UBE2V2: variants seen among roughly 807,000 people sequenced by gnomAD.
The protein encoded by UBE2V2 is ubiquitin conjugating enzyme E2 V2.
UBE2V2 carries 9 observed loss-of-function variants against 17.2 expected under a neutral mutation model. The observed-to-expected ratio is 0.52, with a 90% CI of 0.32 to 0.91. UBE2V2 has a LOEUF of 0.91. Ranked by LOEUF, UBE2V2 falls within the 40% of genes least tolerant of loss-of-function variation. The pLI, the probability that UBE2V2 is intolerant of heterozygous loss-of-function variation, is 0.04. For synonymous variants in UBE2V2, 61 were observed against 57.5 expected (o/e 1.06, Z -0.28); for missense variants, 133 against 182.6 (o/e 0.73, Z 1.56).
intron 1 of UBE2V2, among the ~76,000 whole-genome samples, chr8:48,038,657 T>G (rs2154507593): frequency 6.6e-6 from 1 of 152,174 alleles, no homozygotes; most frequent in East Asian, 1.9e-4. Context: ...TCTTTTGTGT[T>G]TTTAGTAGAG....
Position 48,049,946 on chromosome 8 carries a change from A to G in UBE2V2, c.259A>G (p.Asn87Asp). 1 of 1,575,532 alleles carries G rather than the reference A, an allele frequency of 6.3e-7. No individual in the cohort carries two copies. The highest frequency in any genetic ancestry group is 8.6e-7 in the Non-Finnish European group (1 of 1,164,696). ...GTCAGTTAGATTTGTAACAAAAATT[A>G]ATATGAACGGAATAAATAATTCCAG... ...PPSVRFVTKI[N>D]MNGINNSSGM... Residue 87 changes from asparagine (N) to aspartate (D), a missense_variant, in exon 3 of 4, where the codon AAT becomes GAT. By Grantham distance (23) the Asn-to-Asp change is conservative. Coordinates refer to ENST00000523111, the MANE Select transcript of UBE2V2 (RefSeq NM_003350.3).
chr8:48,016,638 A>T (rs2091270716), intron 1 of UBE2V2, among the ~76,000 whole-genome samples: 1 of 151,556 alleles, frequency 6.6e-6, no homozygotes, highest in Non-Finnish European at 1.5e-5. Context: ...ACGCACCACC[A>T]TGCCTGGCTA....
chr8:48,023,816 C>T (rs1252236874), intron 1 of UBE2V2, among the ~76,000 whole-genome samples: 2 of 151,936 alleles, frequency 1.3e-5, no homozygotes, highest in African/African-American at 4.8e-5. Flanking sequence ...GCAGAGGTTG[C>T]ATTGAGCCAA....
intron 3 of UBE2V2, among the ~76,000 whole-genome samples, chr8:48,056,877 C>T (rs1433823441): frequency 1.3e-5 from 2 of 151,758 alleles, no homozygotes; most frequent in African/African-American, 4.8e-5. Context: ...GCATGCGCCA[C>T]CACGCCTGGC....
chr8:48,034,986 T>A, intron 1 of UBE2V2: 9 of 980,082 alleles, frequency 9.2e-6, no homozygotes, highest in Non-Finnish European at 1.1e-5. Context: ...CCCGGTGGTG[T>A]CAGGGTGTTC....
chr8:48,060,553 G>C (rs186650337), intron 3 of UBE2V2, 129 bp from the exon 4 acceptor site: 1 of 735,362 alleles, frequency 1.4e-6, no homozygotes, highest in East Asian at 3.2e-5. Context: ...TAATTCCATA[G>C]TGTATGTTTT....
At chr8:48,009,044 A>C (rs991128151) in intron 1 of UBE2V2, among the ~76,000 whole-genome samples, 3 of 152,148 alleles carry the variant, frequency 2.0e-5, no homozygotes, top group African/African-American at 4.8e-5. Context: ...AAACAAAATA[A>C]AAGACCAGAG....
chr8:48,043,792 A>G (rs772836690), intron 2 of UBE2V2, among the ~76,000 whole-genome samples: 1 of 152,218 alleles, frequency 6.6e-6, no homozygotes, highest in Non-Finnish European at 1.5e-5. Flanking sequence ...CAGCTTCTTC[A>G]TCTATAAAAA....
At chr8:48,051,603 G>T (rs2091539015) in intron 3 of UBE2V2, among the ~76,000 whole-genome samples, 2 of 152,004 alleles carry the variant, frequency 1.3e-5, no homozygotes, top group South Asian at 4.1e-4. Flanking sequence ...TTCCTTTCCA[G>T]TTGAGAAACC....
intron 3 of UBE2V2, among the ~76,000 whole-genome samples, chr8:48,057,793 G>A (rs2091582561): frequency 2.0e-5 from 3 of 152,052 alleles, no homozygotes; most frequent in Admixed American, 2.0e-4. Context: ...TGTTGCAAGT[G>A]TAAAGAAAAA....
At chr8:48,022,005 A>G (rs922093724) in intron 1 of UBE2V2, among the ~76,000 whole-genome samples, 17 of 151,758 alleles carry the variant, frequency 1.1e-4, no homozygotes, top group African/African-American at 4.1e-4. Flanking sequence ...TGTGGTTACC[A>G]TGAGGCTTAC....
chr8:48,012,830 A>G (rs561176975), intron 1 of UBE2V2, among the ~76,000 whole-genome samples: 3 of 152,218 alleles, frequency 2.0e-5, no homozygotes, highest in Admixed American at 6.5e-5. Context: ...CCTCACATTC[A>G]GTTTTCCCTG....
intron 1 of UBE2V2, among the ~76,000 whole-genome samples, chr8:48,017,015 G>A (rs1170127030): frequency 6.8e-6 from 1 of 147,730 alleles, no homozygotes; most frequent in South Asian, 2.2e-4. Flanking sequence ...GGTCTCAAAC[G>A]CCCGACCTCA....
chr8:48,008,514 G>A, intron 1 of UBE2V2, 44 bp downstream of exon 1: 1 of 1,550,076 alleles, frequency 6.5e-7, no homozygotes, highest in Non-Finnish European at 8.7e-7. Context: ...CTCCGACCCG[G>A]CTCTGCCCCT....
chr8:48,009,890 A>G (rs1426098980), intron 1 of UBE2V2, among the ~76,000 whole-genome samples: 1 of 152,190 alleles, frequency 6.6e-6, no homozygotes, highest in Non-Finnish European at 1.5e-5. Context: ...GTGGAATTTT[A>G]GTGTTATGAC....
chr8:48,001,257 A>G, the UBE2V2 span, among the ~76,000 whole-genome samples: 157 of 152,204 alleles, frequency 1.0e-3, no homozygotes, highest in Non-Finnish European at 1.9e-3. Flanking sequence ...CCCATGGAAA[A>G]TACAATTAAG....
intron 1 of UBE2V2, among the ~76,000 whole-genome samples, chr8:48,037,194 A>G (rs1378568857): frequency 6.6e-6 from 1 of 152,186 alleles, no homozygotes; most frequent in African/African-American, 2.4e-5. Flanking sequence ...AAATACGTAT[A>G]TAGGTTATGA....
chr8:48,050,237 CT>C (rs1002500254), intron 3 of UBE2V2: 1 of 207,336 alleles, frequency 4.8e-6, no homozygotes, highest in Non-Finnish European at 9.5e-6. Flanking sequence ...CTTTTTTTTT[CT>C]TTTCTTTTTT....
At chr8:48,055,056 T>C (rs1254701539) in intron 3 of UBE2V2, among the ~76,000 whole-genome samples, 6 of 152,130 alleles carry the variant, frequency 3.9e-5, no homozygotes, top group African/African-American at 1.4e-4. Flanking sequence ...TCTCTACTTA[T>C]TTTTATAAAC....
Sources: gnomAD v4.1 joint callset for allele counts (sites outside exome capture counted in the v4.1 genomes callset) on GRCh38, gnomAD v4.1.1 for gene constraint, MANE v1.5 for transcripts, NCBI Gene and HGNC (gene_info 2026-07-23, HGNC 2026-07-21) for gene names.